The following COL5A2 variants were observed in gnomAD, a reference collection of about 807,000 sequenced individuals.
The protein encoded by COL5A2 is collagen alpha-2(V) chain.
In COL5A2, 23 loss-of-function variants were observed where a neutral mutation model predicts 208.2. That is an observed-to-expected ratio of 0.11 (90% CI 0.08 to 0.16). The LOEUF is 0.16. Among genes scored for constraint, COL5A2 ranks in the 10% least tolerant of loss-of-function variants. The probability of loss-of-function intolerance (pLI) is 1.00; values close to 1 mark genes in which losing one functional copy is unlikely to be tolerated. For synonymous variants in COL5A2, 625 were observed against 628.5 expected (o/e 0.99, Z 0.08); for missense variants, 1,590 against 1,956.4 (o/e 0.81, Z 3.53).
intron 1 of COL5A2, among the ~76,000 whole-genome samples, chr2:189,126,327 T>C (rs1373165898): frequency 6.6e-6 from 1 of 152,096 alleles, no homozygotes; most frequent in Non-Finnish European, 1.5e-5. Flanking sequence ...GAAAATTTCT[T>C]TAAGTTGTGA....
intron 1 of COL5A2, among the ~76,000 whole-genome samples, chr2:189,132,351 C>T (rs1418072305): frequency 6.6e-6 from 1 of 152,112 alleles, no homozygotes; most frequent in Non-Finnish European, 1.5e-5. Flanking sequence ...TTACGTTTTT[C>T]TTTTAATTTC....
At chr2:189,161,607 C>G (rs1167902348) in intron 1 of COL5A2, among the ~76,000 whole-genome samples, 3 of 152,102 alleles carry the variant, frequency 2.0e-5, no homozygotes, top group Non-Finnish European at 4.4e-5. Flanking sequence ...AGCAATCTAA[C>G]AACAGAGAAA....
chr2:189,047,488 T>C (rs757513339), intron 45 of COL5A2, among the ~76,000 whole-genome samples: 6 of 152,312 alleles, frequency 3.9e-5, no homozygotes, highest in Middle Eastern at 3.4e-3. Flanking sequence ...AAATGCCCAA[T>C]GGCATATGTA....
At chr2:189,159,786 C>A (rs1354287578) in intron 1 of COL5A2, among the ~76,000 whole-genome samples, 2 of 152,006 alleles carry the variant, frequency 1.3e-5, no homozygotes, top group Non-Finnish European at 2.9e-5. Flanking sequence ...AAGGCCGAGG[C>A]TGAGGTACGA....
intron 47 of COL5A2, among the ~76,000 whole-genome samples, chr2:189,044,797 A>G (rs1003198852): frequency 6.6e-6 from 1 of 152,134 alleles, no homozygotes; most frequent in Non-Finnish European, 1.5e-5. Flanking sequence ...AGAAAAATCT[A>G]GTTGAAAATG....
chr2:189,346,366 G>GGATTTCCTTGCAA, the COL5A2 span, among the ~76,000 whole-genome samples: 1 of 152,128 alleles, frequency 6.6e-6, no homozygotes, highest in Admixed American at 6.6e-5. Context: ...TCCAGGATAA[G>GGATTTCCTTGCAA]ATCCTTTTGC....
At chr2:189,388,223 T>A in the COL5A2 span, among the ~76,000 whole-genome samples, 4 of 152,056 alleles carry the variant, frequency 2.6e-5, no homozygotes, top group African/African-American at 9.7e-5. Flanking sequence ...TACTGCTATA[T>A]GAAAATAAAG....
the COL5A2 span, among the ~76,000 whole-genome samples, chr2:189,280,196 C>T: frequency 4.6e-5 from 7 of 152,064 alleles, no homozygotes; most frequent in African/African-American, 1.4e-4. Context: ...ATCTTATTAT[C>T]TTATTATGGA....
the COL5A2 span, among the ~76,000 whole-genome samples, chr2:189,401,758 C>T: frequency 2.4e-4 from 36 of 152,274 alleles, no homozygotes; most frequent in South Asian, 3.7e-3. Flanking sequence ...TTAATAATAG[C>T]CATTCTAACT....
chr2:189,097,299 T>A lies in COL5A2; in HGVS notation c.434A>T (p.Glu145Val), dbSNP rs1263904364. The change falls in exon 6 of 54, where the codon GAG (glutamate) becomes GTG (valine). Residue 145 changes from glutamate (E) to valine (V), a missense_variant. By Grantham distance (121) the Glu-to-Val change is moderately radical. Transcript: ENST00000374866. ...GPPGSQGPRG[E>V]RGPKGRPGPR... ...TACAGGTCTTCCTTTTGGCCCTCGC[T>A]CTCCTCTTGGTCCCTGTGATCCTGG... 6.2e-7 allele frequency: 1 copy of A among 1,614,110 alleles called. No homozygotes were observed. Among genetic ancestry groups the A allele is most frequent in the Admixed American group, 1.7e-5 (1 of 60,020 alleles).
At chr2:189,294,756 A>G in the COL5A2 span, among the ~76,000 whole-genome samples, 3 of 152,144 alleles carry the variant, frequency 2.0e-5, no homozygotes, top group Non-Finnish European at 4.4e-5. Context: ...GAATAAAAAT[A>G]TGTCTTCCAC....
the COL5A2 span, among the ~76,000 whole-genome samples, chr2:189,381,203 CAT>C: frequency 6.6e-6 from 1 of 151,978 alleles, no homozygotes; most frequent in East Asian, 1.9e-4. Context: ...AAAATTGAAA[CAT>C]AAACTTAAAA....
the COL5A2 span, among the ~76,000 whole-genome samples, chr2:189,399,707 G>T: frequency 6.6e-6 from 1 of 151,672 alleles, no homozygotes; most frequent in Non-Finnish European, 1.5e-5. Context: ...TGGTTGGTTG[G>T]TTATCTGTTT....
intron 25 of COL5A2, among the ~76,000 whole-genome samples, chr2:189,064,316 G>A (rs1377155530): frequency 6.6e-6 from 1 of 152,046 alleles, no homozygotes; most frequent in African/African-American, 2.4e-5. Context: ...CTCATGCCAA[G>A]TGATAAAGCT....
At position 189,204,923 on chromosome 2, in the gene COL5A2, T is replaced by C. The variant is rs539982407; in HGVS notation, c.-42+20225A>G. Among the ~76,000 whole-genome samples, 9 of 152,318 alleles carry C rather than the reference T, an allele frequency of 5.9e-5. No individual in the cohort carries two copies. In the East Asian group the frequency reaches 1.7e-3, roughly 29 times the overall value. The stretch of plus-strand genomic sequence containing the variant: ...TCCTGGTAGATATTAATGTTTTATC[T>C]CATAAAACTCTAAACTAGTTAAAAC... On this transcript the variant is annotated intron_variant, in intron 1 of 10. Transcript: ENST00000649966.
the COL5A2 span, among the ~76,000 whole-genome samples, chr2:189,296,829 G>A: frequency 6.6e-6 from 1 of 152,160 alleles, no homozygotes; most frequent in Non-Finnish European, 1.5e-5. Flanking sequence ...TATACAGTAA[G>A]ACTTCTGCAT....
chr2:189,314,825 A>T, the COL5A2 span, among the ~76,000 whole-genome samples: 1 of 152,312 alleles, frequency 6.6e-6, no homozygotes, highest in Non-Finnish European at 1.5e-5. Context: ...AAACTAGAAA[A>T]TCTAGAAAAA....
At chr2:189,187,968 C>CAAAAA (rs71020986) in intron 1 of COL5A2, among the ~76,000 whole-genome samples, 24 of 139,690 alleles carry the variant, frequency 1.7e-4, no homozygotes, top group Admixed American at 2.1e-4. Flanking sequence ...GACTCTGTCT[C>CAAAAA]AAAAAAAAAA....
intron 6 of COL5A2, among the ~76,000 whole-genome samples, chr2:189,096,349 T>C (rs1291550504): frequency 1.3e-5 from 2 of 152,064 alleles, no homozygotes; most frequent in Non-Finnish European, 2.9e-5. Flanking sequence ...AGTTATTTAG[T>C]ATATGAAAGA....
Sources: gnomAD v4.1 joint callset for allele counts (sites outside exome capture counted in the v4.1 genomes callset) on GRCh38, gnomAD v4.1.1 for gene constraint, MANE v1.5 for transcripts, NCBI Gene and HGNC (gene_info 2026-07-23, HGNC 2026-07-21) for gene names.